METTL15: variants seen among roughly 807,000 people sequenced by gnomAD.
METTL15 encodes the protein methyltransferase 15, mitochondrial 12S rRNA N4-cytidine.
A neutral mutation model predicts 38.3 loss-of-function variants in METTL15; 34 were observed. The ratio of observed to expected loss-of-function variants is 0.89; its 90% CI spans 0.68 to 1.18. The LOEUF is 1.18. Ranked by LOEUF, METTL15 falls within the 50% of genes most tolerant of loss-of-function variation. The pLI is 0.00. For synonymous variants in METTL15, 162 were observed against 170.9 expected (o/e 0.95, Z 0.41); for missense variants, 438 against 498.4 (o/e 0.88, Z 1.15).
chr11:28,310,441 C>A (rs77017468), intron 6 of METTL15, among the ~76,000 whole-genome samples: 248 of 152,146 alleles, frequency 1.6e-3, no homozygotes, highest in Admixed American at 3.9e-3. Context: ...GATTGCTTCT[C>A]AATTCCCTAA....
intron 3 of METTL15, among the ~76,000 whole-genome samples, chr11:28,185,376 A>T (rs1354664406): frequency 6.6e-6 from 1 of 151,458 alleles, no homozygotes; most frequent in Non-Finnish European, 1.5e-5. Flanking sequence ...AGCTTGGGCA[A>T]ATTGCTTGGT....
intron 5 of METTL15, among the ~76,000 whole-genome samples, chr11:28,404,826 G>A (rs1025278722): frequency 1.7e-4 from 26 of 151,988 alleles, no homozygotes; most frequent in Admixed American, 1.4e-3. Flanking sequence ...GGACAGAGGC[G>A]CATTTATTTT....
intron 5 of METTL15, among the ~76,000 whole-genome samples, chr11:28,292,484 G>A (rs1005692226): frequency 2.6e-5 from 4 of 152,046 alleles, no homozygotes; most frequent in Non-Finnish European, 4.4e-5. Flanking sequence ...TCAGTTCCAA[G>A]TCTTTGCTAT....
rs113828279 is a variant in METTL15 at position 28,328,169 on chromosome 11, A to T, written c.779-2227A>T. The T allele has an allele frequency of 1.8e-5, 29 of 1,609,602 alleles. No individual in the cohort carries two copies. In the African/African-American group the frequency reaches 3.3e-4, roughly 19 times the overall value. Reference sequence around the variant, plus strand: ...TGGACGAATTGAATAGCAAATGGTAAGAAGCTGGCCTTCCTTTTCAGTTTT... The same window carrying T: ...TGGACGAATTGAATAGCAAATGGTATGAAGCTGGCCTTCCTTTTCAGTTTT... On this transcript the variant is annotated intron_variant, in intron 6 of 6. Coordinates refer to ENST00000407364, the MANE Select transcript of METTL15 (RefSeq NM_001113528.2).
At chr11:28,412,395 TTA>T (rs144772873) in intron 5 of METTL15, among the ~76,000 whole-genome samples, 1 of 150,740 alleles carries the variant, frequency 6.6e-6, no homozygotes, top group Admixed American at 6.6e-5. Flanking sequence ...TATGAAAATG[TTA>T]TATATATATA....
At chr11:28,163,948 C>T in intron 3 of METTL15, 1 of 151,892 alleles carries the variant, frequency 6.6e-6, no homozygotes, top group East Asian at 1.9e-4. Context: ...AAGAGCCAAG[C>T]CAAAATTTTT....
chr11:28,113,250 AT>A, intron 2 of METTL15, 67 bp from the exon 3 acceptor site: 1 of 1,087,798 alleles, frequency 9.2e-7, no homozygotes, highest in Non-Finnish European at 1.3e-6. Flanking sequence ...TATTAATTTG[AT>A]TTTCCCCAAG....
chr11:28,291,882 T>C (rs1856530582), intron 5 of METTL15, among the ~76,000 whole-genome samples: 1 of 151,986 alleles, frequency 6.6e-6, no homozygotes, highest in Non-Finnish European at 1.5e-5. Flanking sequence ...GTCCCTGTGG[T>C]TTTCCCAAGA....
At chr11:28,418,827 A>G (rs769922149) in intron 5 of METTL15, among the ~76,000 whole-genome samples, 1 of 152,202 alleles carries the variant, frequency 6.6e-6, no homozygotes, top group Non-Finnish European at 1.5e-5. Context: ...TGCTGCCAAC[A>G]TCACGCAGAA....
At chr11:28,273,151 TCTTC>T (rs1478237882) in intron 4 of METTL15, among the ~76,000 whole-genome samples, 1 of 152,212 alleles carries the variant, frequency 6.6e-6, no homozygotes, top group African/African-American at 2.4e-5. Flanking sequence ...AGGGACTATG[TCTTC>T]CTTTGTTACC....
At chr11:28,508,198 G>A (rs1053523393) in intron 6 of METTL15, among the ~76,000 whole-genome samples, 1 of 151,272 alleles carries the variant, frequency 6.6e-6, no homozygotes, top group Non-Finnish European at 1.5e-5. Context: ...TTTTTTCATA[G>A]CATTTATTAC....
chr11:28,131,085 T>A (rs910730738), intron 3 of METTL15, among the ~76,000 whole-genome samples: 2 of 152,048 alleles, frequency 1.3e-5, no homozygotes, highest in African/African-American at 4.8e-5. Context: ...TTTTTTTTTT[T>A]AAATTACAGT....
intron 6 of METTL15, among the ~76,000 whole-genome samples, chr11:28,445,720 C>T (rs932961849): frequency 1.2e-4 from 18 of 152,058 alleles, no homozygotes; most frequent in Non-Finnish European, 2.4e-4. Flanking sequence ...GGCATGATCG[C>T]GACTCACTGC....
chr11:28,218,728 G>A (rs530412430), intron 4 of METTL15, among the ~76,000 whole-genome samples: 35 of 152,204 alleles, frequency 2.3e-4, no homozygotes, highest in African/African-American at 6.0e-4. Flanking sequence ...TTTGAGATAC[G>A]TCCCATCAAT....
chr11:28,204,383 C>A (rs570725139), intron 3 of METTL15, among the ~76,000 whole-genome samples: 2 of 144,282 alleles, frequency 1.4e-5, no homozygotes, highest in African/African-American at 5.1e-5. Flanking sequence ...CCCTAACTTA[C>A]TAGTAATAGG....
chr11:28,452,699 G>A (rs1344244647), intron 6 of METTL15, among the ~76,000 whole-genome samples: 1 of 152,132 alleles, frequency 6.6e-6, no homozygotes, highest in Non-Finnish European at 1.5e-5. Context: ...CAGGATCCAG[G>A]CCAGACAGTG....
intron 6 of METTL15, among the ~76,000 whole-genome samples, chr11:28,497,492 T>A (rs1851544570): frequency 6.6e-6 from 1 of 152,236 alleles, no homozygotes; most frequent in South Asian, 2.1e-4. Flanking sequence ...GTTATATGTG[T>A]CTCCTTGGCT....
chr11:28,201,613 G>GTGTGTGTGTGTGTGTGTGTGTA lies in METTL15; in HGVS notation c.271-9438_271-9437insGTGTGTGTGTATGTGTGTGTGT, dbSNP rs796432312. ...CTTCCTGGTTTAGTCTTGGGAGGGT[G>GTGTGTGTGTGTGTGTGTGTGTA]TGTGTGTGTGTCCAGGAATTTATCC... On this transcript the variant is annotated intron_variant, in intron 3 of 6. Coordinates refer to ENST00000407364, the MANE Select transcript of METTL15 (RefSeq NM_001113528.2). Among the ~76,000 whole-genome samples, 196 of 151,464 alleles carry GTGTGTGTGTGTGTGTGTGTGTA rather than the reference G, an allele frequency of 1.3e-3. 1 individual carries two copies. The highest frequency in any genetic ancestry group is 4.5e-3 in the African/African-American group (187 of 41,292).
intron 6 of METTL15, among the ~76,000 whole-genome samples, chr11:28,464,525 C>G (rs536763105): frequency 6.6e-6 from 1 of 152,300 alleles, no homozygotes; most frequent in African/African-American, 2.4e-5. Context: ...CATCTCCAAT[C>G]TAGAAAATTC....
Sources: allele counts gnomAD v4.1 joint callset (sites outside exome capture counted in the v4.1 genomes callset), GRCh38; gene constraint gnomAD v4.1.1; transcripts MANE v1.5; gene names NCBI Gene and HGNC (gene_info 2026-07-23, HGNC 2026-07-21).